Variants in ERBB4 observed in about 807,000 individuals in gnomAD.
ERBB4 encodes receptor tyrosine-protein kinase erbB-4.
In ERBB4, 42 loss-of-function variants were observed where a neutral mutation model predicts 158.0. The observed-to-expected ratio is 0.27, with a 90% CI of 0.21 to 0.34. The LOEUF (loss-of-function observed/expected upper bound fraction) is 0.34. Ranked by LOEUF, ERBB4 falls within the 10% of genes least tolerant of loss-of-function variation. ERBB4 has a pLI of 1.00. For synonymous variants in ERBB4, 583 were observed against 558.7 expected (o/e 1.04, Z -0.61); for missense variants, 1,333 against 1,624.1 (o/e 0.82, Z 3.08).
At chr2:212,043,397 C>T (rs367885504) in intron 2 of ERBB4, among the ~76,000 whole-genome samples, 4 of 152,174 alleles carry the variant, frequency 2.6e-5, no homozygotes, top group South Asian at 2.1e-4. Context: ...GTTTATCTAA[C>T]CATTAATAAA....
At chr2:211,443,428 C>T (rs1482842532) in intron 20 of ERBB4, among the ~76,000 whole-genome samples, 1 of 152,000 alleles carries the variant, frequency 6.6e-6, no homozygotes, top group Non-Finnish European at 1.5e-5. Context: ...TAAATGCTAT[C>T]GGTTTTCCCA....
At chr2:211,665,068 T>A (rs1439630238) in intron 15 of ERBB4, among the ~76,000 whole-genome samples, 2 of 152,230 alleles carry the variant, frequency 1.3e-5, no homozygotes, top group African/African-American at 2.4e-5. Context: ...GCATCCAAAG[T>A]ATACCTGACA....
intron 3 of ERBB4, among the ~76,000 whole-genome samples, chr2:211,913,928 A>T (rs2079612371): frequency 6.6e-6 from 1 of 151,696 alleles, no homozygotes; most frequent in African/African-American, 2.4e-5. Context: ...ATTTAACAAG[A>T]TAAGATGTCA....
At chr2:211,808,803 T>C (rs779546691) in intron 3 of ERBB4, among the ~76,000 whole-genome samples, 37 of 152,214 alleles carry the variant, frequency 2.4e-4, no homozygotes, top group Non-Finnish European at 5.0e-4. Context: ...TTTTATTTCA[T>C]TGAGCAGTGG....
intron 20 of ERBB4, among the ~76,000 whole-genome samples, chr2:211,553,817 T>C (rs1301482269): frequency 1.3e-5 from 2 of 152,182 alleles, no homozygotes; most frequent in African/African-American, 4.8e-5. Flanking sequence ...ACTACACATT[T>C]TAAATTCTTA....
rs1427022325 is a variant in ERBB4, at chr2:211,421,331, T to C, written c.2964+676A>G. The stretch of plus-strand genomic sequence containing the variant: ...TGTCGATATGAAAATAAAGGCTACC[T>C]TGCTTTACTGAGGAAACATAATACA... On this transcript the variant is annotated intron_variant, in intron 24 of 27. Coordinates refer to ENST00000342788, the MANE Select transcript of ERBB4 (RefSeq NM_005235.3). Among the ~76,000 whole-genome samples, 4 of 152,082 alleles carry C rather than the reference T, an allele frequency of 2.6e-5. No individual in the cohort carries two copies. In the East Asian group the frequency reaches 7.7e-4, roughly 29 times the overall value.
chr2:211,988,434 G>A (rs1303361454), intron 2 of ERBB4, among the ~76,000 whole-genome samples: 5 of 152,236 alleles, frequency 3.3e-5, no homozygotes, highest in South Asian at 2.1e-4. Flanking sequence ...TACAGTGTCT[G>A]TTATATAGTA....
chr2:212,250,069 A>G (rs2084474743), intron 1 of ERBB4, among the ~76,000 whole-genome samples: 1 of 152,052 alleles, frequency 6.6e-6, no homozygotes, highest in Non-Finnish European at 1.5e-5. Flanking sequence ...TTCTGTTCAT[A>G]CAATAACTAA....
intron 1 of ERBB4, among the ~76,000 whole-genome samples, chr2:212,282,076 T>G (rs1284528613): frequency 6.6e-6 from 1 of 151,860 alleles, no homozygotes. Flanking sequence ...TTTGAGAGAA[T>G]GCCAAAATTC....
intron 1 of ERBB4, among the ~76,000 whole-genome samples, chr2:212,146,159 C>G (rs1401933736): frequency 6.6e-6 from 1 of 152,130 alleles, no homozygotes; most frequent in Non-Finnish European, 1.5e-5. Context: ...AGCTTTCAGC[C>G]CAATAATTTA....
intron 1 of ERBB4, among the ~76,000 whole-genome samples, chr2:212,167,780 TC>T (rs2081392158): frequency 6.6e-6 from 1 of 152,134 alleles, no homozygotes; most frequent in Non-Finnish European, 1.5e-5. Context: ...TGAGATAATG[TC>T]CTTTGCAGGG....
At chr2:211,891,794 CT>C (rs2125006194) in intron 3 of ERBB4, among the ~76,000 whole-genome samples, 1 of 138,120 alleles carries the variant, frequency 7.2e-6, no homozygotes, top group Non-Finnish European at 1.6e-5. Context: ...CACAAATAAA[CT>C]AGAAAATCTA....
chr2:211,863,809 A>T (rs550207509), intron 3 of ERBB4, among the ~76,000 whole-genome samples: 2 of 152,352 alleles, frequency 1.3e-5, no homozygotes, highest in African/African-American at 4.8e-5. Context: ...ACACAGTGGG[A>T]TATGACATCC....
At chr2:212,012,049 T>G (rs1310352684) in intron 2 of ERBB4, among the ~76,000 whole-genome samples, 1 of 152,190 alleles carries the variant, frequency 6.6e-6, no homozygotes, top group Non-Finnish European at 1.5e-5. Flanking sequence ...GGTGACCAAT[T>G]AGGGTTGTTT....
At chr2:211,679,559 T>A (rs1020367075) in intron 12 of ERBB4, among the ~76,000 whole-genome samples, 1 of 152,114 alleles carries the variant, frequency 6.6e-6, no homozygotes, top group Non-Finnish European at 1.5e-5. Flanking sequence ...TTTGAGAGCT[T>A]CATGAAGAAA....
At chr2:211,899,900 T>A (rs1022894954) in intron 3 of ERBB4, among the ~76,000 whole-genome samples, 3 of 152,104 alleles carry the variant, frequency 2.0e-5, no homozygotes, top group African/African-American at 7.2e-5. Flanking sequence ...TGATGAAAAA[T>A]TAATATCTAA....
chr2:212,497,243 T>C (rs899831185), intron 1 of ERBB4, among the ~76,000 whole-genome samples: 8 of 152,140 alleles, frequency 5.3e-5, no homozygotes, highest in African/African-American at 1.9e-4. Context: ...ACAATATTTA[T>C]AGTCAACTAT....
intron 1 of ERBB4, among the ~76,000 whole-genome samples, chr2:212,305,589 C>A (rs2086782605): frequency 6.6e-6 from 1 of 151,180 alleles, no homozygotes; most frequent in Non-Finnish European, 1.5e-5. Flanking sequence ...AAACCTGACT[C>A]CTTAACATTT....
At chr2:212,200,905 G>T (rs1193156146) in intron 1 of ERBB4, among the ~76,000 whole-genome samples, 1 of 152,096 alleles carries the variant, frequency 6.6e-6, no homozygotes, top group Non-Finnish European at 1.5e-5. Flanking sequence ...CTACATCAGA[G>T]TGAATTTATA....
Sources: allele counts gnomAD v4.1 joint callset (sites outside exome capture counted in the v4.1 genomes callset), GRCh38; gene constraint gnomAD v4.1.1; transcripts MANE v1.5; gene names NCBI Gene and HGNC (gene_info 2026-07-23, HGNC 2026-07-21).